Variants in TMEM132E observed in about 807,000 individuals in gnomAD.
TMEM132E encodes transmembrane protein 132E.
A neutral mutation model predicts 78.5 loss-of-function variants in TMEM132E; 49 were observed. The observed-to-expected ratio is 0.62, with a 90% confidence interval of 0.50 to 0.79. The LOEUF (loss-of-function observed/expected upper bound fraction) is 0.79, where lower values mean the gene tolerates loss of function less well. Among genes scored for constraint, TMEM132E ranks in the 30% least tolerant of loss-of-function variants. The pLI is 0.00. For missense variants in TMEM132E, 1,403 were observed against 1,470.9 expected (o/e 0.95, Z 0.75); for synonymous variants, 715 against 670.6 (o/e 1.07, Z -1.02).
intron 1 of TMEM132E, among the ~76,000 whole-genome samples, chr17:34,610,221 G>A (rs1221137394): frequency 1.3e-5 from 2 of 152,168 alleles, no homozygotes; most frequent in Middle Eastern, 3.2e-3. Flanking sequence ...CCTGTTAGCC[G>A]GCAAATTCCT....
chr17:34,590,660 G>A (rs1370909676), intron 1 of TMEM132E, among the ~76,000 whole-genome samples: 1 of 152,180 alleles, frequency 6.6e-6, no homozygotes, highest in African/African-American at 2.4e-5. Flanking sequence ...CTTGGTGGGA[G>A]AGAGCCAAAA....
chr17:34,602,078 A>G (rs2142060471), intron 1 of TMEM132E, among the ~76,000 whole-genome samples: 1 of 152,284 alleles, frequency 6.6e-6, no homozygotes, highest in Non-Finnish European at 1.5e-5. Context: ...GGTTCCAGGG[A>G]ACACCATTTA....
At position 34,626,981 on chromosome 17, in the gene TMEM132E, G is replaced by A. The variant is rs377511363; in HGVS notation, c.922G>A (p.Val308Met). Residue 308 changes from valine (V) to methionine (M), a missense_variant, in exon 2 of 9, where the codon GTG (valine) becomes ATG (methionine). By Grantham distance (21) the Val-to-Met change is conservative. This residue lies in a region of TMEM132E where 511 missense variants were observed against 499.0 expected (regional missense o/e 1.02). Coordinates refer to ENST00000631683, the MANE Select transcript of TMEM132E (RefSeq NM_001304438.2). ...AGACCGGCCCCTCAAGCCCGGGGAA[G>A]TGCTCAGCATCCTCCTCTATCTGGC... Reference protein sequence around the residue: ...LPDRPLKPGEVLSILLYLAPN... With the variant: ...LPDRPLKPGEMLSILLYLAPN... The A allele has an allele frequency of 1.9e-6, 3 of 1,613,838 alleles. No individual in the cohort carries two copies. The highest frequency in any genetic ancestry group is 2.5e-6 in the Non-Finnish European group (3 of 1,180,028).
At chr17:34,602,763 G>A (rs1353219064) in intron 1 of TMEM132E, among the ~76,000 whole-genome samples, 1 of 152,210 alleles carries the variant, frequency 6.6e-6, no homozygotes, top group African/African-American at 2.4e-5. Context: ...TACACAGCAG[G>A]ATTAGTGTCC....
At chr17:34,593,071 A>G (rs1905930910) in intron 1 of TMEM132E, among the ~76,000 whole-genome samples, 1 of 150,998 alleles carries the variant, frequency 6.6e-6, no homozygotes, top group Non-Finnish European at 1.5e-5. Flanking sequence ...ATTAATTTTA[A>G]TAGTATGTTT....
At position 34,632,802 on chromosome 17, in the gene TMEM132E, C is replaced by T. The variant is rs202095057; in HGVS notation, c.1581C>T (p.Pro527=). The change falls in exon 6 of 9, where the codon CCC becomes CCT. Residue 527 remains proline, a synonymous_variant. Coordinates refer to ENST00000631683, the MANE Select transcript of TMEM132E (RefSeq NM_001304438.2). The part of the protein sequence containing the change: ...VTFRYDVLNA[P]LEMTVWVPKL... ...TCCGCTACGACGTCCTCAATGCTCC[C>T]CTGGAAATGACAGTCTGGGTCCCCA... 1.2e-6 allele frequency: 2 copies of T among 1,614,058 alleles called. No individual in the cohort carries two copies. The highest frequency in any genetic ancestry group is 1.3e-5 in the African/African-American group (1 of 74,910).
Position 34,636,090 on chromosome 17 carries a change from G to A in TMEM132E, c.2061G>A (p.Gln687=), listed in dbSNP as rs768419569. Residue 687 remains glutamine (Q), a synonymous_variant, in exon 8 of 9, where the codon CAG becomes CAA. Coordinates refer to ENST00000631683, the MANE Select transcript of TMEM132E (RefSeq NM_001304438.2). ...TEEKVSITQL[Q]AQVVASLALS... ...AGAAGGTCAGCATCACACAGCTTCAGGCCCAGGTGGTGGCCAGCCTGGCCC... is the reference window on the plus strand; with the variant it reads ...AGAAGGTCAGCATCACACAGCTTCAAGCCCAGGTGGTGGCCAGCCTGGCCC... 2 of 1,594,694 alleles carry A rather than the reference G, an allele frequency of 1.3e-6. No individual in the cohort carries two copies. Among genetic ancestry groups the A allele is most frequent in the Non-Finnish European group, 8.5e-7 (1 of 1,171,844 alleles).
At chr17:34,581,249 C>T in intron 1 of TMEM132E, 106 bp downstream of exon 1, 4 of 1,069,154 alleles carry the variant, frequency 3.7e-6, no homozygotes, top group Non-Finnish European at 5.0e-6. Flanking sequence ...GACTCGCAGC[C>T]GCCACTCCGG....
intron 1 of TMEM132E, among the ~76,000 whole-genome samples, chr17:34,622,520 C>T (rs987610214): frequency 6.6e-6 from 1 of 152,198 alleles, no homozygotes; most frequent in Non-Finnish European, 1.5e-5. Flanking sequence ...AGGTTACTTC[C>T]CCTTCCAGAA....
intron 4 of TMEM132E, 45 bp downstream of exon 4, chr17:34,629,249 A>G (rs1167531629): frequency 1.9e-6 from 3 of 1,590,484 alleles, no homozygotes; most frequent in Non-Finnish European, 2.6e-6. Flanking sequence ...GGGTCTATGC[A>G]TGTGTGCACA....
intron 1 of TMEM132E, among the ~76,000 whole-genome samples, chr17:34,584,246 A>C (rs909412972): frequency 8.6e-5 from 13 of 151,948 alleles, no homozygotes; most frequent in Non-Finnish European, 1.9e-4. Flanking sequence ...TGCTTTTCTC[A>C]CTTTCCTGCC....
At chr17:34,624,182 G>A (rs1434712932) in intron 1 of TMEM132E, among the ~76,000 whole-genome samples, 2 of 152,272 alleles carry the variant, frequency 1.3e-5, no homozygotes, top group Non-Finnish European at 2.9e-5. Context: ...AGAGCCTCAA[G>A]AGCAAGGAAT....
At chr17:34,592,125 T>C (rs1597676260) in intron 1 of TMEM132E, among the ~76,000 whole-genome samples, 1 of 152,338 alleles carries the variant, frequency 6.6e-6, no homozygotes, top group East Asian at 1.9e-4. Context: ...TTGGGATTTT[T>C]GTTTTTTAAC....
intron 2 of TMEM132E, among the ~76,000 whole-genome samples, chr17:34,627,466 T>TCGTGTGTGCGTGCGCGCG (rs1301258773): frequency 8.0e-5 from 2 of 24,986 alleles, no homozygotes; most frequent in African/African-American, 2.6e-4. Flanking sequence ...GCCAAAAGAA[T>TCGTGTGTGCGTGCGCGCG]CGTGTGTGTG....
At chr17:34,632,467 C>T (rs1907377761) in intron 5 of TMEM132E, among the ~76,000 whole-genome samples, 1 of 152,226 alleles carries the variant, frequency 6.6e-6, no homozygotes, top group African/African-American at 2.4e-5. Context: ...ATGTTGGCTC[C>T]TTACTAAGGA....
chr17:34,622,286 T>C (rs147639666), intron 1 of TMEM132E, among the ~76,000 whole-genome samples: 139 of 152,286 alleles, frequency 9.1e-4, no homozygotes, highest in African/African-American at 3.2e-3. Context: ...CAGGTTCCTT[T>C]AAGCTCCAGA....
intron 1 of TMEM132E, among the ~76,000 whole-genome samples, chr17:34,609,186 T>G (rs1220910721): frequency 1.3e-5 from 2 of 152,198 alleles, no homozygotes; most frequent in Admixed American, 1.3e-4. Flanking sequence ...GAAGAAGGTC[T>G]GTGCCCAGTT....
At chr17:34,617,884 T>C (rs1906834485) in intron 1 of TMEM132E, among the ~76,000 whole-genome samples, 1 of 152,158 alleles carries the variant, frequency 6.6e-6, no homozygotes, top group Admixed American at 6.5e-5. Context: ...AACTGGAAAA[T>C]ACATAAAAAC....
At chr17:34,631,592 G>A (rs888593556) in intron 5 of TMEM132E, among the ~76,000 whole-genome samples, 6 of 152,194 alleles carry the variant, frequency 3.9e-5, no homozygotes, top group East Asian at 3.8e-4. Flanking sequence ...TTTGCCTTCC[G>A]AGGTGGGAAA....
Sources: gnomAD v4.1 joint callset for allele counts (sites outside exome capture counted in the v4.1 genomes callset) on GRCh38, gnomAD v4.1.1 for gene constraint, gnomAD v4.1.1 regional missense constraint, MANE v1.5 for transcripts, NCBI Gene and HGNC (gene_info 2026-07-23, HGNC 2026-07-21) for gene names.